The following CDH4 variants were observed in gnomAD, a reference collection of about 807,000 sequenced individuals.
CDH4 encodes the protein cadherin 4.
In CDH4, 33 loss-of-function variants were observed where a neutral mutation model predicts 86.0. That is an observed-to-expected ratio of 0.38 (90% confidence interval 0.29 to 0.51). The LOEUF is 0.51. CDH4 is among the 20% of genes least tolerant of loss of function. CDH4 has a pLI of 0.86. For synonymous variants in CDH4, 555 were observed against 549.4 expected (o/e 1.01, Z -0.14); for missense variants, 1,114 against 1,307.4 (o/e 0.85, Z 2.28).
In CDH4 at chr20:61,497,477, C is replaced by T. The variant is rs142369780; in HGVS notation, c.169+242540C>T. Among the ~76,000 whole-genome samples, 68 of 152,018 alleles carry T rather than the reference C, an allele frequency of 4.5e-4. No individual in the cohort carries two copies. The East Asian group carries it at 5.2e-3, about 12-fold the overall frequency. On this transcript the variant is annotated intron_variant, in intron 2 of 15. Transcript: ENST00000614565. ...TTTGTTGTTGTTAAAAAAAGAAAAA[C>T]GAAAAAATGCAAATCAAAACCACAA...
chr20:61,773,800 G>A (rs1056555188), intron 4 of CDH4, among the ~76,000 whole-genome samples: 7 of 152,298 alleles, frequency 4.6e-5, no homozygotes, highest in South Asian at 4.1e-4. Context: ...ATTCCCAACC[G>A]TTGTGGAAAA....
chr20:61,825,102 A>G (rs1433759541), intron 4 of CDH4, among the ~76,000 whole-genome samples: 1 of 151,666 alleles, frequency 6.6e-6, no homozygotes, highest in Non-Finnish European at 1.5e-5. Context: ...CCTTCACCCC[A>G]CGACTTTAAA....
At chr20:61,490,804 T>C (rs557160661) in intron 2 of CDH4, among the ~76,000 whole-genome samples, 3 of 152,294 alleles carry the variant, frequency 2.0e-5, no homozygotes, top group Admixed American at 2.0e-4. Context: ...GGCTGTCTAA[T>C]TGTCATGTGA....
intron 2 of CDH4, among the ~76,000 whole-genome samples, chr20:61,449,931 G>T (rs1365167108): frequency 6.6e-6 from 1 of 152,168 alleles, no homozygotes; most frequent in East Asian, 1.9e-4. Flanking sequence ...TCATCAGATG[G>T]GTAAAAGGCA....
intron 2 of CDH4, among the ~76,000 whole-genome samples, chr20:61,596,959 T>C (rs1568703851): frequency 6.6e-6 from 1 of 152,206 alleles, no homozygotes; most frequent in East Asian, 1.9e-4. Flanking sequence ...CATGTAGTTA[T>C]CAAAACATTA....
chr20:61,590,537 G>A (rs757646437), intron 2 of CDH4, among the ~76,000 whole-genome samples: 3 of 152,160 alleles, frequency 2.0e-5, no homozygotes, highest in African/African-American at 7.2e-5. Flanking sequence ...ACGTGTCTGC[G>A]TGCTGCAGTC....
chr20:61,311,488 A>G (rs1255785422), intron 2 of CDH4, among the ~76,000 whole-genome samples: 2 of 152,248 alleles, frequency 1.3e-5, no homozygotes, highest in African/African-American at 4.8e-5. Flanking sequence ...CCAAAGTACA[A>G]AACAGCAAAA....
At chr20:61,871,091 CAG>C (rs370042205) in intron 6 of CDH4, among the ~76,000 whole-genome samples, 2 of 151,378 alleles carry the variant, frequency 1.3e-5, no homozygotes, top group African/African-American at 4.8e-5. Flanking sequence ...GAGACAGAGA[CAG>C]AGCTCCTCAT....
chr20:61,741,704 G>A (rs1299219447), intron 2 of CDH4, among the ~76,000 whole-genome samples: 1 of 152,024 alleles, frequency 6.6e-6, no homozygotes, highest in African/African-American at 2.4e-5. Flanking sequence ...TGTTAGCCAG[G>A]ATGGTCTCGA....
In CDH4 at chr20:61,367,027, G is replaced by A. The variant is rs181886620; in HGVS notation, c.169+112090G>A. 5.5e-4 allele frequency among the ~76,000 whole-genome samples: 83 copies of A among 152,180 alleles called. 2 individuals are homozygous for A. The highest frequency in any genetic ancestry group is 2.9e-3 in the East Asian group (15 of 5,168). ...AGGCAACGAGACAGCGGGGCCCATC[G>A]ACCCCACCCACCCCATTGCTGACAG... On this transcript the variant is annotated intron_variant, in intron 2 of 15. Transcript: ENST00000614565.
intron 2 of CDH4, among the ~76,000 whole-genome samples, chr20:61,565,108 T>A (rs2086259094): frequency 7.7e-6 from 1 of 129,788 alleles, no homozygotes; most frequent in East Asian, 2.1e-4. Context: ...GTGCTCTTGG[T>A]GGTGCTGGTG....
At chr20:61,447,624 CTT>C (rs11204461) in intron 2 of CDH4, among the ~76,000 whole-genome samples, 3,531 of 102,050 alleles carry the variant, frequency 0.035, 86 homozygotes, top group African/African-American at 0.085. Flanking sequence ...ATTCTACTTC[CTT>C]TTTTTTTTTT....
At chr20:61,436,774 G>A (rs1412440565) in intron 2 of CDH4, among the ~76,000 whole-genome samples, 1 of 152,092 alleles carries the variant, frequency 6.6e-6, no homozygotes, top group Non-Finnish European at 1.5e-5. Flanking sequence ...CAACTCTCTG[G>A]TCCTGTGCCT....
intron 2 of CDH4, among the ~76,000 whole-genome samples, chr20:61,653,637 T>G (rs1411609981): frequency 0.036 from 2,208 of 60,868 alleles, 62 homozygotes; most frequent in Middle Eastern, 0.058. Context: ...ACGGGGTGGC[T>G]GCCGGGCTGA....
At chr20:61,385,974 G>A (rs1241623035) in intron 2 of CDH4, among the ~76,000 whole-genome samples, 3 of 152,194 alleles carry the variant, frequency 2.0e-5, no homozygotes, top group African/African-American at 7.2e-5. Context: ...GCTGCAGGAG[G>A]TCAGGAGCCA....
chr20:61,395,578 G>A (rs550170665), intron 2 of CDH4, among the ~76,000 whole-genome samples: 1 of 152,156 alleles, frequency 6.6e-6, no homozygotes, highest in Admixed American at 6.6e-5. Flanking sequence ...ACAGGACTTT[G>A]AGACCAGCCT....
intron 2 of CDH4, among the ~76,000 whole-genome samples, chr20:61,267,394 G>A (rs2084162946): frequency 6.6e-6 from 1 of 152,180 alleles, no homozygotes; most frequent in African/African-American, 2.4e-5. Context: ...GAGAGAAACC[G>A]TGTTACCTGG....
At chr20:61,725,389 G>A (rs1158424442) in intron 2 of CDH4, among the ~76,000 whole-genome samples, 2 of 152,168 alleles carry the variant, frequency 1.3e-5, no homozygotes, top group Non-Finnish European at 2.9e-5. Context: ...CCCAGGTCTG[G>A]TCTCTCTGCC....
At chr20:61,334,674 G>A (rs6028123) in intron 2 of CDH4, among the ~76,000 whole-genome samples, 23,837 of 152,136 alleles carry the variant, frequency 0.16, 2,284 homozygotes, top group African/African-American at 0.27. Flanking sequence ...GTGCCACCAC[G>A]CTGGGGCTGG....
Sources: allele counts gnomAD v4.1 joint callset (sites outside exome capture counted in the v4.1 genomes callset), GRCh38; gene constraint gnomAD v4.1.1; transcripts MANE v1.5; gene names NCBI Gene and HGNC (gene_info 2026-07-23, HGNC 2026-07-21).